Variants in AGBL1 observed in about 807,000 individuals in gnomAD.
The protein encoded by AGBL1 is cytosolic carboxypeptidase 4.
Under a neutral mutation model 118.9 loss-of-function variants are expected in AGBL1, and 130 were observed. That is an observed-to-expected ratio of 1.09 (90% CI 0.95 to 1.26). AGBL1 has a LOEUF of 1.26. Ranked by LOEUF, AGBL1 falls within the 50% of genes most tolerant of loss-of-function variation. The pLI is 0.00. For missense variants in AGBL1, 1,584 were observed against 1,298.1 expected (o/e 1.22, Z -3.38); for synonymous variants, 555 against 478.9 (o/e 1.16, Z -2.08).
chr15:86,890,135 C>T (rs78449899), intron 22 of AGBL1, among the ~76,000 whole-genome samples: 3 of 152,168 alleles, frequency 2.0e-5, no homozygotes, highest in African/African-American at 7.2e-5. Flanking sequence ...ATTTGTATTT[C>T]TCTAATGATC....
intron 22 of AGBL1, among the ~76,000 whole-genome samples, chr15:86,805,399 CA>C (rs1294163548): frequency 4.6e-5 from 7 of 152,042 alleles, no homozygotes; most frequent in Non-Finnish European, 7.4e-5. Context: ...GCCCGCTGCC[CA>C]ACACTGCCAC....
chr15:86,865,117 G>A (rs1443627522), intron 22 of AGBL1, among the ~76,000 whole-genome samples: 1 of 152,090 alleles, frequency 6.6e-6, no homozygotes, highest in Non-Finnish European at 1.5e-5. Context: ...ATAGCTGTTG[G>A]GTGAACGGTG....
chr15:86,569,791 AAAT>A (rs2083975635), intron 21 of AGBL1, among the ~76,000 whole-genome samples: 1 of 152,212 alleles, frequency 6.6e-6, no homozygotes, highest in Non-Finnish European at 1.5e-5. Context: ...GGGAACCATG[AAAT>A]TTAAACGCCC....
rs374362413 is a variant in AGBL1, at chr15:86,826,638, C to T, written c.3159-80449C>T. 8.0e-4 allele frequency among the ~76,000 whole-genome samples: 122 copies of T among 152,154 alleles called. 1 individual carries two copies. The East Asian group carries it at 0.013, about 16-fold the overall frequency. On this transcript the variant is annotated intron_variant, in intron 22 of 22. Coordinates refer to ENST00000614907, the MANE Select transcript of AGBL1 (RefSeq NM_001386094.1). ...GGTTTTAAAATTTGCATTTCTAAAA[C>T]GCTCCTAGGTGCTGTTAATGTTACT...
At chr15:86,522,045 A>C (rs914805069) in intron 18 of AGBL1, among the ~76,000 whole-genome samples, 3 of 152,168 alleles carry the variant, frequency 2.0e-5, no homozygotes, top group African/African-American at 7.2e-5. Context: ...ACAACTCAGC[A>C]TCTCAGTTTC....
chr15:86,791,982 C>T (rs1334613200), intron 22 of AGBL1, among the ~76,000 whole-genome samples: 1 of 152,086 alleles, frequency 6.6e-6, no homozygotes, highest in Non-Finnish European at 1.5e-5. Context: ...GTGATCTGCC[C>T]ACTTCGGCCT....
intron 18 of AGBL1, among the ~76,000 whole-genome samples, chr15:86,492,093 A>G (rs1458936942): frequency 1.3e-5 from 2 of 152,084 alleles, no homozygotes; most frequent in Non-Finnish European, 2.9e-5. Context: ...ATAGTGAGGG[A>G]AATTTGTATA....
chr15:86,134,553 A>G (rs932518072), intron 1 of AGBL1, among the ~76,000 whole-genome samples: 1 of 149,800 alleles, frequency 6.7e-6, no homozygotes, highest in Non-Finnish European at 1.5e-5. Context: ...GAGGGGGACT[A>G]CAGGATCCTT....
At chr15:86,410,974 T>A (rs2081611766) in intron 18 of AGBL1, among the ~76,000 whole-genome samples, 3 of 132,688 alleles carry the variant, frequency 2.3e-5, no homozygotes. Flanking sequence ...GTTAAAGTTT[T>A]GGTTATCCTT....
chr15:86,132,614 C>T (rs1010520313), intron 1 of AGBL1, among the ~76,000 whole-genome samples: 9 of 152,152 alleles, frequency 5.9e-5, no homozygotes, highest in Non-Finnish European at 8.8e-5. Context: ...GAGATGGAGC[C>T]TGCTTTCCAA....
chr15:86,476,145 A>G (rs1442139673), intron 18 of AGBL1, among the ~76,000 whole-genome samples: 4 of 152,224 alleles, frequency 2.6e-5, no homozygotes, highest in Non-Finnish European at 5.9e-5. Flanking sequence ...TGTAAAGACC[A>G]TCGATGCTAG....
At chr15:86,396,671 G>A (rs546072510) in intron 17 of AGBL1, among the ~76,000 whole-genome samples, 1 of 152,140 alleles carries the variant, frequency 6.6e-6, no homozygotes, top group African/African-American at 2.4e-5. Flanking sequence ...TACGAATGAG[G>A]AGGGAAAGAG....
chr15:86,495,947 C>T (rs1365765544), intron 18 of AGBL1, among the ~76,000 whole-genome samples: 2 of 151,674 alleles, frequency 1.3e-5, no homozygotes, highest in Non-Finnish European at 2.9e-5. Context: ...TTTTTGCCCT[C>T]AATTCTATTT....
chr15:86,472,924 A>G (rs2082498578), intron 18 of AGBL1, among the ~76,000 whole-genome samples: 2 of 152,194 alleles, frequency 1.3e-5, no homozygotes, highest in Non-Finnish European at 2.9e-5. Flanking sequence ...CATCTCAAAA[A>G]ACAAAAAACA....
At chr15:86,711,038 C>T (rs1407888277) in intron 22 of AGBL1, among the ~76,000 whole-genome samples, 1 of 152,130 alleles carries the variant, frequency 6.6e-6, no homozygotes, top group Non-Finnish European at 1.5e-5. Context: ...AGACCCTAGG[C>T]CACAAGGTGA....
intron 17 of AGBL1, among the ~76,000 whole-genome samples, chr15:86,372,563 C>T (rs1485801852): frequency 1.3e-5 from 2 of 152,268 alleles, no homozygotes; most frequent in Non-Finnish European, 2.9e-5. Context: ...TCCATTCATA[C>T]ATATGCACAT....
intron 18 of AGBL1, among the ~76,000 whole-genome samples, chr15:86,431,848 C>T (rs1048485826): frequency 6.6e-6 from 1 of 152,162 alleles, no homozygotes; most frequent in Admixed American, 6.5e-5. Context: ...CTCCCGGTTG[C>T]TGTGACATGG....
intron 22 of AGBL1, among the ~76,000 whole-genome samples, chr15:86,689,139 C>T (rs555040294): frequency 3.3e-5 from 5 of 152,232 alleles, no homozygotes; most frequent in Middle Eastern, 3.4e-3. Flanking sequence ...CAGCCTGAGA[C>T]GCATCAGTTC....
intron 22 of AGBL1, among the ~76,000 whole-genome samples, chr15:86,689,447 A>C (rs2086123133): frequency 6.6e-6 from 1 of 152,144 alleles, no homozygotes; most frequent in Admixed American, 6.6e-5. Context: ...ACCTAGAATA[A>C]TGCCTGATGC....
Sources: gnomAD v4.1 joint callset for allele counts (sites outside exome capture counted in the v4.1 genomes callset) on GRCh38, gnomAD v4.1.1 for gene constraint, MANE v1.5 for transcripts, NCBI Gene and HGNC (gene_info 2026-07-23, HGNC 2026-07-21) for gene names.